The following TBC1D9 variants were observed in gnomAD, a reference collection of about 807,000 sequenced individuals.
TBC1D9 encodes the protein TBC1 domain family member 9A.
Under a neutral mutation model 132.0 loss-of-function variants are expected in TBC1D9, and 63 were observed. That is an observed-to-expected ratio of 0.48 (90% CI 0.39 to 0.59). The LOEUF (loss-of-function observed/expected upper bound fraction) is 0.59, where lower values mean the gene tolerates loss of function less well. Ranked by LOEUF, TBC1D9 falls within the 20% of genes least tolerant of loss-of-function variation. The pLI, the probability that TBC1D9 is intolerant of heterozygous loss-of-function variation, is 0.00. For missense variants in TBC1D9, 1,261 were observed against 1,592.7 expected, an observed-to-expected ratio of 0.79 and a Z score of 3.54; for synonymous variants, 610 against 609.9, an observed-to-expected ratio of 1.00 and a Z score of 0.00.
chr4:140,673,190 C>T (rs1055852486), intron 6 of TBC1D9, among the ~76,000 whole-genome samples: 9 of 151,704 alleles, frequency 5.9e-5, no homozygotes, highest in Non-Finnish European at 1.2e-4. Context: ...AAAATTCCTT[C>T]TCTTGCTGGC....
chr4:140,742,531 C>CAAAA lies in TBC1D9; in HGVS notation c.130+13381_130+13384dup, dbSNP rs35891616. Reference sequence around the variant, plus strand: ...TGGGCAACAGAGTGAGACTCTGTCTCAAAAAAAAAAAAAAAAAAAAAAAAA... The same window carrying CAAAA: ...TGGGCAACAGAGTGAGACTCTGTCTCAAAAAAAAAAAAAAAAAAAAAAAAAAAAA... On this transcript the variant is annotated intron_variant, in intron 1 of 20. Coordinates refer to ENST00000442267, the MANE Select transcript of TBC1D9 (RefSeq NM_015130.3). 2.7e-4 allele frequency among the ~76,000 whole-genome samples: 17 copies of CAAAA among 63,462 alleles called. 1 individual carries two copies. Among genetic ancestry groups the CAAAA allele is most frequent in the African/African-American group, 4.4e-4 (7 of 16,050 alleles). 41.6% of individuals were successfully genotyped at this position (63,462 alleles called of 152,430 possible).
At chr4:140,683,725 T>C (rs11942516) in intron 3 of TBC1D9, among the ~76,000 whole-genome samples, 101,848 of 152,166 alleles carry the variant, frequency 0.67, 34,163 homozygotes, top group African/African-American at 0.69. Flanking sequence ...ATTTGAAAAA[T>C]AATTTCAACA....
intron 1 of TBC1D9, among the ~76,000 whole-genome samples, chr4:140,721,402 G>C (rs934121319): frequency 1.3e-5 from 2 of 152,056 alleles, no homozygotes; most frequent in African/African-American, 4.8e-5. Context: ...ATCCCTATTT[G>C]ATGAATGAGG....
chr4:140,628,689 A>G (rs1320522596), intron 16 of TBC1D9, among the ~76,000 whole-genome samples: 1 of 152,234 alleles, frequency 6.6e-6, no homozygotes, highest in Non-Finnish European at 1.5e-5. Flanking sequence ...GTGTTAAAAC[A>G]TATAAAGCAC....
chr4:140,677,687 C>T (rs574006198), intron 5 of TBC1D9, among the ~76,000 whole-genome samples: 3 of 152,302 alleles, frequency 2.0e-5, no homozygotes, highest in African/African-American at 7.2e-5. Context: ...TCCCCTCAAG[C>T]TTCTACCTGA....
chr4:140,710,191 T>A (rs1315337507), intron 1 of TBC1D9, among the ~76,000 whole-genome samples: 1 of 152,000 alleles, frequency 6.6e-6, no homozygotes, highest in African/African-American at 2.4e-5. Flanking sequence ...ACTCAACATA[T>A]GTGAATGAAG....
intron 12 of TBC1D9, 104 bp downstream of exon 12, chr4:140,657,423 C>A (rs768319005): frequency 7.4e-7 from 1 of 1,353,354 alleles, no homozygotes; most frequent in Admixed American, 2.3e-5. Context: ...CAGGAAGAAG[C>A]GGGCATTATG....
chr4:140,745,186 C>T (rs1475472224), intron 1 of TBC1D9, among the ~76,000 whole-genome samples: 1 of 152,190 alleles, frequency 6.6e-6, no homozygotes, highest in African/African-American at 2.4e-5. Flanking sequence ...ACCCAGCCAC[C>T]TTGGACACCT....
Position 140,679,673 on chromosome 4 carries a change from A to G in TBC1D9, c.531T>C (p.Gly177=). The G allele has an allele frequency of 6.2e-7, 1 of 1,613,854 alleles. No homozygotes were observed. The highest frequency in any genetic ancestry group is 8.5e-7 in the Non-Finnish European group (1 of 1,179,832). The change falls in exon 4 of 21, where the codon GGT becomes GGC. Residue 177 remains glycine, a synonymous_variant. Transcript: ENST00000442267. ...GGTGGTTAATGCTGAGGTACATCCAACCCTGACGGGGGACCTTCCCCTTCC... is the reference window on the plus strand; with the variant it reads ...GGTGGTTAATGCTGAGGTACATCCAGCCCTGACGGGGGACCTTCCCCTTCC... ...SYWKGKVPRQ[G]WMYLSINHLC... is the part of the protein sequence containing the mutation.
At chr4:140,726,197 G>C (rs918466891) in intron 1 of TBC1D9, among the ~76,000 whole-genome samples, 1 of 152,064 alleles carries the variant, frequency 6.6e-6, no homozygotes, top group Admixed American at 6.5e-5. Flanking sequence ...GCTGAGGCAG[G>C]AGAATCAATC....
chr4:140,643,341 T>A, intron 13 of TBC1D9: 1 of 1,333,054 alleles, frequency 7.5e-7, no homozygotes, highest in Non-Finnish European at 1.1e-6. Context: ...CTCCAAGGCC[T>A]GGACTCCAGT....
chr4:140,698,746 G>C (rs7693177), intron 2 of TBC1D9, among the ~76,000 whole-genome samples: 47,121 of 150,392 alleles, frequency 0.31, 8,741 homozygotes, highest in Non-Finnish European at 0.42. Context: ...TCGGGGGTGG[G>C]GGGGGGAAAG....
chr4:140,681,347 C>T (rs1737700319), intron 3 of TBC1D9, among the ~76,000 whole-genome samples: 1 of 152,174 alleles, frequency 6.6e-6, no homozygotes, highest in Admixed American at 6.6e-5. Flanking sequence ...TGTTGATTCT[C>T]TCTGCATTAT....
chr4:140,755,124 A>C (rs1738988797), intron 1 of TBC1D9, among the ~76,000 whole-genome samples: 1 of 152,188 alleles, frequency 6.6e-6, no homozygotes. Context: ...TCTAAATAAC[A>C]CAGAGATGGA....
intron 1 of TBC1D9, among the ~76,000 whole-genome samples, chr4:140,729,769 G>A (rs533041297): frequency 1.7e-5 from 2 of 119,020 alleles, no homozygotes; most frequent in East Asian, 2.8e-4. Flanking sequence ...GCAATGAGCC[G>A]AGATTGCACC....
chr4:140,707,279 G>A (rs781039534), intron 1 of TBC1D9, among the ~76,000 whole-genome samples: 1 of 152,056 alleles, frequency 6.6e-6, no homozygotes, highest in African/African-American at 2.4e-5. Flanking sequence ...CCATTGTGGT[G>A]ACATTTGCTA....
rs1217262218 is a variant in TBC1D9, at chr4:140,621,576, A to G, written c.*619T>C. 1 of 152,360 alleles carries G rather than the reference A, an allele frequency of 6.6e-6. No homozygotes were observed. The highest frequency in any genetic ancestry group is 1.9e-4 in the East Asian group (1 of 5,196). The allele number at this position is 152,360 out of a possible 1,614,324, so 9.4% of individuals were successfully genotyped here. On this transcript the variant is annotated 3_prime_UTR_variant, in exon 21 of 21. Coordinates refer to ENST00000442267, the MANE Select transcript of TBC1D9 (RefSeq NM_015130.3). ...AGTGTTATTCTGGAATCATGTAAAAATCACTTACTTTCATAACTGTTTAGA... is the reference window on the plus strand; with the variant it reads ...AGTGTTATTCTGGAATCATGTAAAAGTCACTTACTTTCATAACTGTTTAGA...
In TBC1D9 at chr4:140,633,984, A is replaced by G. The variant is rs778442009; in HGVS notation, c.2710T>C (p.Ser904Pro). ...ACAAACTCCCGGAAGTTAATCAAAG[A>G]GTCTCCATTTTCATCTAATAACTGG... The part of the protein sequence containing the change: ...LFQLLDENGD[S>P]LINFREFVSG... Residue 904 changes from serine to proline, a missense_variant, in exon 16 of 21, where the codon TCT (serine) becomes CCT (proline). Ser to Pro is a moderately conservative substitution (Grantham distance 74). This residue lies in a region of TBC1D9 where 618 missense variants were observed against 724.4 expected (regional missense o/e 0.85). Transcript: ENST00000442267. The G allele has an allele frequency of 6.2e-7, 1 of 1,613,992 alleles. No individual in the cohort carries two copies. Among genetic ancestry groups the G allele is most frequent in the East Asian group, 2.2e-5 (1 of 44,880 alleles).
At chr4:140,751,915 C>G (rs1738930085) in intron 1 of TBC1D9, among the ~76,000 whole-genome samples, 1 of 152,154 alleles carries the variant, frequency 6.6e-6, no homozygotes, top group African/African-American at 2.4e-5. Flanking sequence ...GCTAAAATTA[C>G]AAAGACTGAC....
Sources: gnomAD v4.1 joint callset for allele counts (sites outside exome capture counted in the v4.1 genomes callset) on GRCh38, gnomAD v4.1.1 for gene constraint, gnomAD v4.1.1 regional missense constraint, MANE v1.5 for transcripts, NCBI Gene and HGNC (gene_info 2026-07-23, HGNC 2026-07-21) for gene names.